Variants in PPP2R5B observed in about 807,000 individuals in gnomAD.
The protein encoded by PPP2R5B is protein phosphatase 2 regulatory subunit B'beta, also known as serine/threonine-protein phosphatase 2A 56 kDa regulatory subunit beta isoform.
PPP2R5B carries 19 observed loss-of-function variants against 59.9 expected under a neutral mutation model. That is an observed-to-expected ratio of 0.32 (90% CI 0.22 to 0.47). PPP2R5B has a LOEUF of 0.47. PPP2R5B is among the 20% of genes least tolerant of loss of function. The probability of loss-of-function intolerance (pLI) is 1.00; values close to 1 mark genes in which losing one functional copy is unlikely to be tolerated. For missense variants in PPP2R5B, 441 were observed against 640.2 expected, an observed-to-expected ratio of 0.69 and a Z score of 3.36; for synonymous variants, 286 against 260.5, an observed-to-expected ratio of 1.10 and a Z score of -0.94.
intron 3 of PPP2R5B, among the ~76,000 whole-genome samples, chr11:64,927,505 G>T (rs1168449567): frequency 2.0e-5 from 3 of 152,172 alleles, no homozygotes; most frequent in Non-Finnish European, 4.4e-5. Context: ...GAGGCAAGGG[G>T]TTCAAGACCA....
rs201904964 is a variant in PPP2R5B, at chr11:64,925,769, C to G, written c.35C>G (p.Thr12Ser). The G allele has an allele frequency of 6.3e-7, 1 of 1,590,418 alleles. No individual in the cohort carries two copies. The highest frequency in any genetic ancestry group is 2.3e-5 in the East Asian group (1 of 44,238). Residue 12 changes from threonine (T) to serine (S), a missense_variant, in exon 2 of 14, where the codon ACT becomes AGT. This residue lies in a region of PPP2R5B where 103 missense variants were observed against 87.9 expected (regional missense o/e 1.17). Transcript: ENST00000164133. This position sits in a 1 kb window ranked among gnomAD's most constrained non-coding sequence, Gnocchi z 4.6. ...ETKLPPASTP[T>S]SPSSPGLSPV... ...AAGCTGCCCCCTGCAAGCACCCCCA[C>G]TAGCCCCTCCTCCCCCGGGCTGTCG...
At position 64,934,074 on chromosome 11, in the gene PPP2R5B, A is replaced by G; in HGVS notation, c.*230A>G. ...GCAGGACTTGACAAGGGCAAGCTTG[A>G]CCAGGAAGCTGCCATCAGGGATCTT... is the stretch of plus-strand genomic sequence containing the variant. On this transcript the variant is annotated 3_prime_UTR_variant, in exon 14 of 14. Transcript: ENST00000164133. 2.1e-6 allele frequency: 1 copy of G among 471,254 alleles called. No individual in the cohort carries two copies. Among genetic ancestry groups the G allele is most frequent in the South Asian group, 7.4e-5 (1 of 13,476 alleles). The allele number at this position is 471,254 out of a possible 1,614,324, so 29.2% of individuals were successfully genotyped here.
intron 2 of PPP2R5B, 30 bp from the exon 3 acceptor site, chr11:64,926,682 C>T: frequency 6.2e-7 from 1 of 1,609,012 alleles, no homozygotes; most frequent in Non-Finnish European, 8.5e-7. Context: ...GGAGCTGGGG[C>T]CCAGGCCCAG....
intron 2 of PPP2R5B, 114 bp downstream of exon 2, chr11:64,926,047 C>T (rs1035856572): frequency 2.7e-6 from 3 of 1,095,960 alleles, no homozygotes; most frequent in Admixed American, 5.0e-5. Context: ...GGATACCCCT[C>T]CAGGCTAGGT....
At chr11:64,933,036 T>G in intron 12 of PPP2R5B, 109 bp from the exon 13 acceptor site, 1 of 1,491,768 alleles carries the variant, frequency 6.7e-7, no homozygotes, top group Non-Finnish European at 9.3e-7. Context: ...GACAGGAAAG[T>G]GGGCAGTGCT....
Position 64,925,857 on chromosome 11 carries a change from C to G in PPP2R5B, c.123C>G (p.Pro41=). The change falls in exon 2 of 14, where the codon CCC becomes CCG. Residue 41 remains proline (P), a synonymous_variant. Coordinates refer to ENST00000164133, the MANE Select transcript of PPP2R5B (RefSeq NM_006244.4). The surrounding 1 kb of genome is among the most constrained non-coding windows in gnomAD (Gnocchi z 4.6). ...FSRRSLRRAR[P]RRSHSSSQFR... is the part of the protein sequence containing the mutation. ...GCCGTTCCCTCCGCAGAGCCCGGCC[C>G]CGCCGCTCCCACAGCTCCTCTCAGT... 4.3e-6 allele frequency: 7 copies of G among 1,611,702 alleles called. No homozygotes were observed. Among genetic ancestry groups the G allele is most frequent in the Non-Finnish European group, 5.1e-6 (6 of 1,179,834 alleles).
intron 6 of PPP2R5B, among the ~76,000 whole-genome samples, chr11:64,929,640 C>T (rs1439721859): frequency 6.6e-6 from 1 of 152,148 alleles, no homozygotes; most frequent in Non-Finnish European, 1.5e-5. Context: ...GCAGGAGAAT[C>T]GCTTGAGCCT....
In PPP2R5B at chr11:64,932,630, G is replaced by C. The variant is rs557778740; in HGVS notation, c.1117-135G>C. ...CCCTTCAACACTGTTGCTTCCTCCA[G>C]GGCTCAGATAAGCCCTGAAGGTGGG... On this transcript the variant is annotated intron_variant, in intron 11 of 13. Coordinates refer to ENST00000164133, the MANE Select transcript of PPP2R5B (RefSeq NM_006244.4). 3.2e-5 allele frequency: 35 copies of C among 1,091,372 alleles called. No homozygotes were observed. The South Asian group carries it at 5.4e-4, about 17-fold the overall frequency. The allele number at this position is 1,091,372 out of a possible 1,614,324, so 67.6% of individuals were successfully genotyped here. A position where few individuals can be genotyped will look rare whatever the true frequency, so the allele number is the denominator to read the frequency against.
At chr11:64,923,701 CT>C (rs1157007226), upstream of PPP2R5B, among the ~76,000 whole-genome samples, 2 of 152,198 alleles carry the variant, frequency 1.3e-5, no homozygotes, top group East Asian at 3.8e-4. Flanking sequence ...GAAAAGGCCC[CT>C]AGTCCCCTCC....
In PPP2R5B at chr11:64,934,079, G is replaced by T. The variant is rs559844218; in HGVS notation, c.*235G>T. ...ACTTGACAAGGGCAAGCTTGACCAGGAAGCTGCCATCAGGGATCTTCCCCT... is the reference window on the plus strand; with the variant it reads ...ACTTGACAAGGGCAAGCTTGACCAGTAAGCTGCCATCAGGGATCTTCCCCT... On this transcript the variant is annotated 3_prime_UTR_variant, in exon 14 of 14. Transcript: ENST00000164133. 4 of 462,316 alleles carry T rather than the reference G, an allele frequency of 8.7e-6. No individual in the cohort carries two copies. Among genetic ancestry groups the T allele is most frequent in the African/African-American group, 2.0e-5 (1 of 49,632 alleles). The allele number at this position is 462,316 out of a possible 1,614,324, so 28.6% of individuals were successfully genotyped here.
At chr11:64,921,127 T>C (rs1043593702), upstream of PPP2R5B, among the ~76,000 whole-genome samples, 10 of 151,780 alleles carry the variant, frequency 6.6e-5, no homozygotes, top group Admixed American at 6.6e-5. Context: ...AGCTAATTTT[T>C]CTATTTTTTG....
Position 64,933,762 on chromosome 11 carries a change from G to T in PPP2R5B, c.1412G>T (p.Arg471Leu), listed in dbSNP as rs959789177. Residue 471 changes from arginine (R) to leucine (L), a missense_variant, in exon 14 of 14, where the codon CGG becomes CTG. Coordinates refer to ENST00000164133, the MANE Select transcript of PPP2R5B (RefSeq NM_006244.4). ...WQGLEELRLR[R>L]LQGTQGAKEA... ...GGTCTGGAGGAGCTGCGGCTACGCC[G>T]GCTACAGGGGACCCAGGGGGCCAAG... The T allele has an allele frequency of 4.5e-6, 7 of 1,555,870 alleles. No individual in the cohort carries two copies. Among genetic ancestry groups the T allele is most frequent in the Non-Finnish European group, 6.1e-6 (7 of 1,149,426 alleles).
chr11:64,926,826 C>A lies in PPP2R5B; in HGVS notation c.314C>A (p.Ala105Glu). 1 of 1,614,206 alleles carries A rather than the reference C, an allele frequency of 6.2e-7. No individual in the cohort carries two copies. The highest frequency in any genetic ancestry group is 1.1e-5 in the South Asian group (1 of 91,088). Residue 105 changes from alanine (A) to glutamate (E), a missense_variant, in exon 3 of 14, where the codon GCA becomes GAA. Ala to Glu is a moderately radical substitution (Grantham distance 107, BLOSUM62 -1). Around this residue, in one of 3 missense-constraint regions of PPP2R5B, gnomAD observed 268 missense variants for 488.1 expected, o/e 0.55. Coordinates refer to ENST00000164133, the MANE Select transcript of PPP2R5B (RefSeq NM_006244.4). Reference protein sequence around the residue: ...ADLKGKEVKRAALNELVECVG... With the variant: ...ADLKGKEVKREALNELVECVG... ...CTCAAGGGGAAGGAGGTGAAGCGGG[C>A]AGCCCTCAACGAGCTGGTGGAGTGT...
chr11:64,928,764 G>A (rs988518197), intron 6 of PPP2R5B, among the ~76,000 whole-genome samples: 3 of 152,288 alleles, frequency 2.0e-5, no homozygotes, highest in East Asian at 1.9e-4. Context: ...GGCGCCTGTA[G>A]TCCCAGCTAC....
upstream of PPP2R5B, among the ~76,000 whole-genome samples, chr11:64,922,733 G>A (rs1289031217): frequency 6.6e-6 from 1 of 151,778 alleles, no homozygotes; most frequent in Non-Finnish European, 1.5e-5. Context: ...AAACTAGCTG[G>A]GCTTGGTGGT....
upstream of PPP2R5B, among the ~76,000 whole-genome samples, chr11:64,923,867 G>T (rs1455259198): frequency 6.6e-6 from 1 of 152,140 alleles, no homozygotes; most frequent in African/African-American, 2.4e-5. Flanking sequence ...CCTAGGACGG[G>T]GGCCCAGGAC....
chr11:64,929,695 C>G (rs1015605043), intron 6 of PPP2R5B, among the ~76,000 whole-genome samples: 2 of 152,190 alleles, frequency 1.3e-5, no homozygotes, highest in African/African-American at 2.4e-5. Flanking sequence ...CACTGCACTC[C>G]TGCCTGGGCG....
At chr11:64,924,672 G>C (rs1199726066), upstream of PPP2R5B, 1 of 152,296 alleles carries the variant, frequency 6.6e-6, no homozygotes, top group Non-Finnish European at 1.5e-5. Flanking sequence ...TGCGGGCCGG[G>C]TGGGGGGAGG....
In PPP2R5B at chr11:64,926,725, C is replaced by A. The variant is rs774626071; in HGVS notation, c.213C>A (p.Ser71=). The A allele has an allele frequency of 4.3e-6, 7 of 1,614,044 alleles. No homozygotes were observed. The South Asian group carries it at 6.6e-5, about 15-fold the overall frequency. ...TCTCCTCCCCAGATGTGCCGGCTTCCGAGCTGCACGAGCTGCTGAGCCGGA... is the reference window on the plus strand; with the variant it reads ...TCTCCTCCCCAGATGTGCCGGCTTCAGAGCTGCACGAGCTGCTGAGCCGGA... ...PLPLLKDVPA[S]ELHELLSRKL... Residue 71 remains serine (S), a synonymous_variant, in exon 3 of 14, where the codon TCC becomes TCA. Transcript: ENST00000164133.
Sources: allele counts gnomAD v4.1 joint callset (sites outside exome capture counted in the v4.1 genomes callset), GRCh38; gene constraint gnomAD v4.1.1; regional missense constraint gnomAD v4.1.1; non-coding constraint Gnocchi (gnomAD v3.1); transcripts MANE v1.5; gene names NCBI Gene and HGNC (gene_info 2026-07-23, HGNC 2026-07-21).